The following VEGFC variants were observed in gnomAD, a reference collection of about 807,000 sequenced individuals.
The protein encoded by VEGFC is vascular endothelial growth factor C, also known as FLT4 ligand DHM.
A neutral mutation model predicts 46.1 loss-of-function variants in VEGFC; 12 were observed. The ratio of observed to expected loss-of-function variants is 0.26; its 90% confidence interval spans 0.17 to 0.42. VEGFC has a LOEUF of 0.42. Among genes scored for constraint, VEGFC ranks in the 10% least tolerant of loss-of-function variants. The pLI, the probability that VEGFC is intolerant of heterozygous loss-of-function variation, is 1.00. For missense variants in VEGFC, 488 were observed against 529.4 expected, an observed-to-expected ratio of 0.92 and a Z score of 0.77; for synonymous variants, 232 against 195.5, an observed-to-expected ratio of 1.19 and a Z score of -1.56.
intron 6 of VEGFC, 137 bp downstream of exon 6, chr4:176,687,050 A>T: frequency 9.8e-7 from 1 of 1,023,772 alleles, no homozygotes; most frequent in South Asian, 1.7e-5. Flanking sequence ...TTGGTTAAAA[A>T]AATATAAGAT....
chr4:176,722,075 G>A, intron 3 of VEGFC, among the ~76,000 whole-genome samples: 1 of 151,718 alleles, frequency 6.6e-6, no homozygotes, highest in East Asian at 1.9e-4. Context: ...CTGCATTACA[G>A]ATCAGAATGT....
intron 1 of VEGFC, among the ~76,000 whole-genome samples, chr4:176,789,491 A>G (rs188563350): frequency 3.3e-5 from 5 of 152,364 alleles, no homozygotes; most frequent in Admixed American, 3.3e-4. Context: ...ACTCAGAGGA[A>G]TGTCAGAAAT....
chr4:176,689,385 C>T (rs1366572993), intron 4 of VEGFC: 1 of 152,178 alleles, frequency 6.6e-6, no homozygotes, highest in Non-Finnish European at 1.5e-5. Flanking sequence ...GAAAAACAAG[C>T]AAATCTGCAT....
chr4:176,684,063 A>T (rs748045524), intron 6 of VEGFC, 23 bp from the exon 7 acceptor site: 1 of 1,568,120 alleles, frequency 6.4e-7, no homozygotes. Flanking sequence ...ACAAGAACAC[A>T]CTTACGTTAA....
intron 3 of VEGFC, among the ~76,000 whole-genome samples, chr4:176,726,010 A>G (rs1409715556): frequency 6.6e-6 from 1 of 152,184 alleles, no homozygotes; most frequent in Non-Finnish European, 1.5e-5. Flanking sequence ...TAATACCAAT[A>G]AAACCTGTTA....
intron 1 of VEGFC, among the ~76,000 whole-genome samples, chr4:176,732,364 A>C (rs1228631788): frequency 6.6e-6 from 1 of 151,988 alleles, no homozygotes; most frequent in Non-Finnish European, 1.5e-5. Context: ...TTAACAAATT[A>C]GCACCTGAAG....
chr4:176,716,923 T>C (rs1474078652), intron 3 of VEGFC, among the ~76,000 whole-genome samples: 1 of 152,208 alleles, frequency 6.6e-6, no homozygotes, highest in Non-Finnish European at 1.5e-5. Flanking sequence ...AATAGTATTT[T>C]CTGTTCTACA....
At chr4:176,731,492 A>C (rs1445323286) in intron 1 of VEGFC, among the ~76,000 whole-genome samples, 2 of 151,954 alleles carry the variant, frequency 1.3e-5, no homozygotes, top group Non-Finnish European at 2.9e-5. Context: ...TGGAAAAAAA[A>C]CAGTGTACAG....
chr4:176,766,669 C>T (rs1265844743), intron 1 of VEGFC, among the ~76,000 whole-genome samples: 1 of 151,260 alleles, frequency 6.6e-6, no homozygotes, highest in African/African-American at 2.4e-5. Context: ...TGCCAGAGAG[C>T]ATACAATCGT....
chr4:176,738,010 C>G (rs1294949505), intron 1 of VEGFC, among the ~76,000 whole-genome samples: 1 of 151,788 alleles, frequency 6.6e-6, no homozygotes, highest in African/African-American at 2.4e-5. Flanking sequence ...AGTGAAAGAC[C>G]TCTTCAAGGA....
At chr4:176,747,344 G>T (rs561421872) in intron 1 of VEGFC, among the ~76,000 whole-genome samples, 4 of 152,008 alleles carry the variant, frequency 2.6e-5, no homozygotes, top group Non-Finnish European at 5.9e-5. Context: ...AATTAATAAT[G>T]AGTAAACATA....
At chr4:176,684,318 T>C (rs1469982094) in intron 6 of VEGFC, among the ~76,000 whole-genome samples, 1 of 152,208 alleles carries the variant, frequency 6.6e-6, no homozygotes, top group Non-Finnish European at 1.5e-5. Context: ...CTTTGCTTCA[T>C]GGGTGAAAGA....
chr4:176,734,128 T>G (rs1417166779), intron 1 of VEGFC, among the ~76,000 whole-genome samples: 1 of 151,826 alleles, frequency 6.6e-6, no homozygotes, highest in Non-Finnish European at 1.5e-5. Context: ...CTAGGTAACT[T>G]TGAATAAGTT....
chr4:176,687,609 G>T (rs1734068028), intron 5 of VEGFC, 89 bp from the exon 6 acceptor site: 2 of 1,318,554 alleles, frequency 1.5e-6, no homozygotes, highest in Admixed American at 2.9e-5. Flanking sequence ...TCTTCCTTTT[G>T]TATGTTTTCC....
intron 1 of VEGFC, among the ~76,000 whole-genome samples, chr4:176,740,484 TAG>T (rs1233907057): frequency 7.3e-4 from 78 of 106,894 alleles, no homozygotes; most frequent in Non-Finnish European, 7.1e-4. Context: ...ATTCTATATA[TAG>T]AGAGTATATA....
chr4:176,733,660 T>G (rs1315346769), intron 1 of VEGFC, among the ~76,000 whole-genome samples: 1 of 151,820 alleles, frequency 6.6e-6, no homozygotes, highest in Non-Finnish European at 1.5e-5. Context: ...GGAGAAGTGA[T>G]GTATCTTGAC....
intron 1 of VEGFC, among the ~76,000 whole-genome samples, chr4:176,768,513 T>TATATATA (rs58971102): frequency 2.1e-5 from 3 of 143,790 alleles, no homozygotes; most frequent in East Asian, 2.1e-4. Context: ...TATATATATA[T>TATATATA]TTCAAATTTT....
At chr4:176,777,958 T>G (rs1372049782) in intron 1 of VEGFC, among the ~76,000 whole-genome samples, 1 of 147,746 alleles carries the variant, frequency 6.8e-6, no homozygotes, top group East Asian at 1.9e-4. Context: ...AAGCTATTCT[T>G]GTTATATGTA....
rs1371268343 is a variant in VEGFC, at chr4:176,687,809, C to A, written c.811+12G>T. The A allele has an allele frequency of 1.3e-6, 2 of 1,587,164 alleles. No individual in the cohort carries two copies. Among genetic ancestry groups the A allele is most frequent in the Non-Finnish European group, 1.7e-6 (2 of 1,158,458 alleles). Reference sequence around the variant, plus strand: ...CCCTGGCGTTTAGTCTTTAAAGCATCATTCTGCTTACCATCTCCAGCATCC... The same window carrying A: ...CCCTGGCGTTTAGTCTTTAAAGCATAATTCTGCTTACCATCTCCAGCATCC... On this transcript the variant is annotated intron_variant, in intron 5 of 6. Transcript: ENST00000618562.
Sources: allele counts gnomAD v4.1 joint callset (sites outside exome capture counted in the v4.1 genomes callset), GRCh38; gene constraint gnomAD v4.1.1; transcripts MANE v1.5; gene names NCBI Gene and HGNC (gene_info 2026-07-23, HGNC 2026-07-21).